Variants in TMEFF1 observed in about 807,000 individuals in gnomAD.
TMEFF1 encodes the protein transmembrane protein with EGF like and two follistatin like domains 1, also known as tomoregulin-1.
In TMEFF1, 20 loss-of-function variants were observed where a neutral mutation model predicts 47.5. That is an observed-to-expected ratio of 0.42 (90% CI 0.30 to 0.61). The LOEUF is 0.61. Ranked by LOEUF, TMEFF1 falls within the 20% of genes least tolerant of loss-of-function variation. TMEFF1 has a pLI of 0.19. For synonymous variants in TMEFF1, 162 were observed against 166.3 expected (o/e 0.97, Z 0.20); for missense variants, 411 against 471.1 (o/e 0.87, Z 1.18).
At chr9:100,532,989 CA>C (rs1404558971) in intron 5 of TMEFF1, among the ~76,000 whole-genome samples, 3 of 148,990 alleles carry the variant, frequency 2.0e-5, no homozygotes, top group Admixed American at 6.8e-5. Flanking sequence ...ATCGCAAGAA[CA>C]AAAAACAAAA....
chr9:100,491,849 G>A (rs982425023), intron 1 of TMEFF1, among the ~76,000 whole-genome samples: 1 of 150,956 alleles, frequency 6.6e-6, no homozygotes. Context: ...TTGAAAGAGG[G>A]CCTATAATTT....
intron 7 of TMEFF1, among the ~76,000 whole-genome samples, chr9:100,556,042 C>T (rs1008755785): frequency 2.0e-5 from 3 of 152,108 alleles, no homozygotes; most frequent in Non-Finnish European, 4.4e-5. Flanking sequence ...TGCTTCCTTG[C>T]TTTCTTAATT....
In TMEFF1 at chr9:100,513,375, C is replaced by CT. The variant is rs750910949; in HGVS notation, c.463+45dup. On this transcript the variant is annotated intron_variant, in intron 4 of 9. Coordinates refer to ENST00000374879, the MANE Select transcript of TMEFF1 (RefSeq NM_003692.5). ...TCTTAAAGGATATTTGCTTTTCTTT[C>CT]TTTCTTTCTTTCTTTTTCTTTTTTT... The CT allele has an allele frequency of 1.6e-5, 23 of 1,461,962 alleles. No individual in the cohort carries two copies. The East Asian group carries it at 5.7e-4, about 36-fold the overall frequency. The allele number at this position is 1,461,962 out of a possible 1,614,324, so 90.6% of individuals were successfully genotyped here.
At chr9:100,549,211 T>C (rs369120177) in intron 6 of TMEFF1, among the ~76,000 whole-genome samples, 4 of 152,108 alleles carry the variant, frequency 2.6e-5, no homozygotes, top group African/African-American at 9.6e-5. Context: ...TCATGGTAGA[T>C]GGCAAAGAGG....
At chr9:100,490,869 G>GTGTGTGTA (rs1034797679) in intron 1 of TMEFF1, among the ~76,000 whole-genome samples, 2 of 135,066 alleles carry the variant, frequency 1.5e-5, no homozygotes, top group African/African-American at 2.7e-5. Context: ...GTGTGTGTGT[G>GTGTGTGTA]TGTATGTGTG....
intron 2 of TMEFF1, among the ~76,000 whole-genome samples, chr9:100,504,197 C>A (rs1012723956): frequency 6.6e-6 from 1 of 152,210 alleles, no homozygotes; most frequent in African/African-American, 2.4e-5. Context: ...TTAGAATCCA[C>A]CATCAGTGCA....
chr9:100,486,715 C>T (rs1024722287), intron 1 of TMEFF1, among the ~76,000 whole-genome samples: 1 of 152,188 alleles, frequency 6.6e-6, no homozygotes, highest in Non-Finnish European at 1.5e-5. Context: ...TTACTGCAGC[C>T]TTGACCTTCC....
At chr9:100,575,104 T>C (rs771710925) in intron 9 of TMEFF1, among the ~76,000 whole-genome samples, 1 of 152,200 alleles carries the variant, frequency 6.6e-6, no homozygotes. Flanking sequence ...CTATCTTGGA[T>C]TTAGAACATT....
intron 1 of TMEFF1, among the ~76,000 whole-genome samples, chr9:100,491,013 C>T (rs1345679539): frequency 2.0e-5 from 3 of 151,974 alleles, no homozygotes; most frequent in African/African-American, 7.3e-5. Context: ...GCAGGTTTTT[C>T]ATATAAAATC....
chr9:100,574,703 A>G (rs1233769425), intron 9 of TMEFF1, among the ~76,000 whole-genome samples: 3 of 152,142 alleles, frequency 2.0e-5, no homozygotes, highest in African/African-American at 7.2e-5. Context: ...GTCAGAGTCA[A>G]TGAGAAACAA....
At chr9:100,565,714 T>C (rs1336498711) in intron 8 of TMEFF1, among the ~76,000 whole-genome samples, 1 of 152,216 alleles carries the variant, frequency 6.6e-6, no homozygotes, top group East Asian at 1.9e-4. Flanking sequence ...CTTGCACACT[T>C]TCACTATCAC....
chr9:100,476,326 C>T (rs981140933), intron 1 of TMEFF1, among the ~76,000 whole-genome samples: 3 of 151,890 alleles, frequency 2.0e-5, no homozygotes, highest in South Asian at 2.1e-4. Flanking sequence ...TAATGCAGCT[C>T]GAAATTGTGC....
chr9:100,559,584 C>G (rs1838976253), intron 7 of TMEFF1, among the ~76,000 whole-genome samples: 1 of 151,950 alleles, frequency 6.6e-6, no homozygotes, highest in Admixed American at 6.6e-5. Context: ...TATTTATTGG[C>G]TATATTGGAT....
intron 1 of TMEFF1, among the ~76,000 whole-genome samples, chr9:100,478,591 T>G (rs1243545611): frequency 1.3e-5 from 2 of 152,238 alleles, no homozygotes; most frequent in East Asian, 1.9e-4. Context: ...ACTTTAGACT[T>G]ATTGAGATTA....
rs1006081904 is a variant in TMEFF1 at position 100,513,870 on chromosome 9, C to G, written c.463+537C>G. Among the ~76,000 whole-genome samples, 66 of 152,178 alleles carry G rather than the reference C, an allele frequency of 4.3e-4. 2 individuals are homozygous for G. The highest frequency in any genetic ancestry group is 5.9e-5 in the Non-Finnish European group (4 of 68,032). On this transcript the variant is annotated intron_variant, in intron 4 of 9. Transcript: ENST00000374879. ...AAAAAGGAAGACTTGCCCAACAACT[C>G]TCGTGGAATTTAGAGTTTAATTTAA... is the stretch of plus-strand genomic sequence containing the variant.
chr9:100,534,082 T>G (rs2118463268), intron 5 of TMEFF1, among the ~76,000 whole-genome samples: 1 of 152,156 alleles, frequency 6.6e-6, no homozygotes, highest in South Asian at 2.1e-4. Flanking sequence ...TGTGGGGAAG[T>G]GTTTCAGGAA....
intron 8 of TMEFF1, among the ~76,000 whole-genome samples, chr9:100,570,422 G>A (rs1016922979): frequency 4.0e-5 from 6 of 151,820 alleles, no homozygotes; most frequent in African/African-American, 1.2e-4. Context: ...TAGCTCTTAC[G>A]TTTAGATCTG....
chr9:100,509,592 T>TG (rs1353547538), intron 3 of TMEFF1, among the ~76,000 whole-genome samples: 1 of 152,006 alleles, frequency 6.6e-6, no homozygotes, highest in Non-Finnish European at 1.5e-5. Context: ...GCTAACACAG[T>TG]GAAACCCCGT....
At chr9:100,532,855 TAG>T (rs1838416635) in intron 5 of TMEFF1, among the ~76,000 whole-genome samples, 1 of 151,994 alleles carries the variant, frequency 6.6e-6, no homozygotes, top group Admixed American at 6.6e-5. Context: ...CCAACAATGA[TAG>T]ACTGGATTAA....
Sources: gnomAD v4.1 joint callset for allele counts (sites outside exome capture counted in the v4.1 genomes callset) on GRCh38, gnomAD v4.1.1 for gene constraint, MANE v1.5 for transcripts, NCBI Gene and HGNC (gene_info 2026-07-23, HGNC 2026-07-21) for gene names.